The following LRRC20 variants were observed in gnomAD, a reference collection of about 807,000 sequenced individuals.
The protein encoded by LRRC20 is leucine-rich repeat-containing protein 20.
A neutral mutation model predicts 14.4 loss-of-function variants in LRRC20; 11 were observed. The ratio of observed to expected loss-of-function variants is 0.77; its 90% CI spans 0.48 to 1.27. The LOEUF (loss-of-function observed/expected upper bound fraction) is 1.27. Among genes scored for constraint, LRRC20 ranks in the 50% most tolerant of loss-of-function variants. The pLI is 0.00. For missense variants in LRRC20, 219 were observed against 251.2 expected (o/e 0.87, Z 0.87); for synonymous variants, 121 against 107.3 (o/e 1.13, Z -0.79).
At chr10:70,361,690 C>T (rs1282597702) in intron 2 of LRRC20, among the ~76,000 whole-genome samples, 2 of 152,196 alleles carry the variant, frequency 1.3e-5, no homozygotes, top group East Asian at 3.9e-4. Context: ...TGCCGGGGCC[C>T]AGTCATTGGC....
At chr10:70,381,432 G>A (rs1844704256) in intron 1 of LRRC20, 1 of 152,254 alleles carries the variant, frequency 6.6e-6, no homozygotes, top group African/African-American at 2.4e-5. Flanking sequence ...CTGGCTGGGG[G>A]AGGGGTGATT....
intron 4 of LRRC20, among the ~76,000 whole-genome samples, chr10:70,319,137 A>G (rs1176262748): frequency 6.6e-6 from 1 of 150,958 alleles, no homozygotes; most frequent in African/African-American, 2.4e-5. Context: ...GTTTTCCTCT[A>G]ATCTCTTGTG....
Position 70,341,497 on chromosome 10 carries a change from G to T in LRRC20, c.83-795C>A, listed in dbSNP as rs1842910626. On this transcript the variant is annotated intron_variant, in intron 2 of 4. Transcript: ENST00000446961. The stretch of plus-strand genomic sequence containing the variant: ...AAAAGAAATGAAGTGGCCAGGCGTG[G>T]TGGCTCACGCCTGTAATCCCAGCAC... Among the ~76,000 whole-genome samples the T allele has an allele frequency of 2.0e-5, 3 of 152,340 alleles. No homozygotes were observed. In the South Asian group the frequency reaches 6.2e-4, roughly 32 times the overall value.
At chr10:70,317,944 C>T (rs1841931009) in intron 4 of LRRC20, among the ~76,000 whole-genome samples, 1 of 152,186 alleles carries the variant, frequency 6.6e-6, no homozygotes, top group Non-Finnish European at 1.5e-5. Flanking sequence ...TTCCTGCTGA[C>T]CCCATTCTAC....
rs1589951051 is a variant in LRRC20 at position 70,317,574 on chromosome 10, T to C, written c.400+6289A>G. Among the ~76,000 whole-genome samples the C allele has an allele frequency of 2.6e-5, 4 of 152,260 alleles. No individual in the cohort carries two copies. The East Asian group carries it at 7.7e-4, about 29-fold the overall frequency. On this transcript the variant is annotated intron_variant, in intron 4 of 4. Transcript: ENST00000446961. ...AAAATTTTTTGTAGAGATGGGGGCCTCACTATGTTGCTCAGGCTGGTTTTG... is the reference window on the plus strand; with the variant it reads ...AAAATTTTTTGTAGAGATGGGGGCCCCACTATGTTGCTCAGGCTGGTTTTG...
In LRRC20 at chr10:70,301,083, T is replaced by TCAGAGAGGGCAGGAGATCTGC. The variant is rs1490451225; in HGVS notation, c.*250_*270dup. ...TCCTGTTTTTTTCAAGTGACAAGGC[T>TCAGAGAGGGCAGGAGATCTGC]CAGAGAGGGCAGGAGATCTGCCTGA... On this transcript the variant is annotated 3_prime_UTR_variant, in exon 5 of 5. Coordinates refer to ENST00000446961, the MANE Select transcript of LRRC20 (RefSeq NM_001278212.2). 3 of 1,254,198 alleles carry TCAGAGAGGGCAGGAGATCTGC rather than the reference T, an allele frequency of 2.4e-6. No homozygotes were observed. Among genetic ancestry groups the TCAGAGAGGGCAGGAGATCTGC allele is most frequent in the Non-Finnish European group, 3.0e-6 (3 of 999,008 alleles). The allele number at this position is 1,254,198 out of a possible 1,614,324, so 77.7% of individuals were successfully genotyped here.
chr10:70,346,283 G>A (rs1008472390), intron 2 of LRRC20, among the ~76,000 whole-genome samples: 3 of 152,194 alleles, frequency 2.0e-5, no homozygotes, highest in African/African-American at 4.8e-5. Flanking sequence ...TGACGTGGTG[G>A]TGCCTGTGTG....
intron 1 of LRRC20, among the ~76,000 whole-genome samples, chr10:70,377,216 C>T (rs1844543137): frequency 6.6e-6 from 1 of 152,208 alleles, no homozygotes; most frequent in East Asian, 1.9e-4. Flanking sequence ...CAGTACTAGC[C>T]TGCAGACCTG....
At chr10:70,371,640 G>C (rs1844275881) in intron 2 of LRRC20, among the ~76,000 whole-genome samples, 1 of 152,168 alleles carries the variant, frequency 6.6e-6, no homozygotes, top group Non-Finnish European at 1.5e-5. Context: ...AGATGGAAAA[G>C]GGGCAGGGAA....
intron 2 of LRRC20, among the ~76,000 whole-genome samples, chr10:70,349,418 A>G: frequency 6.6e-6 from 1 of 152,208 alleles, no homozygotes; most frequent in South Asian, 2.1e-4. Flanking sequence ...TCTCTAATAA[A>G]AATACAAAAA....
intron 2 of LRRC20, among the ~76,000 whole-genome samples, chr10:70,342,560 G>A (rs1842955952): frequency 6.6e-6 from 1 of 152,172 alleles, no homozygotes; most frequent in African/African-American, 2.4e-5. Flanking sequence ...CAAGTTCCCT[G>A]AGCCTCAGTT....
chr10:70,356,844 C>T (rs538269156), intron 2 of LRRC20, among the ~76,000 whole-genome samples: 37 of 151,400 alleles, frequency 2.4e-4, no homozygotes, highest in Non-Finnish European at 4.1e-4. Flanking sequence ...GAATGAGACT[C>T]CACCTCAAAA....
chr10:70,314,107 G>A (rs916042806), intron 4 of LRRC20, among the ~76,000 whole-genome samples: 1 of 152,034 alleles, frequency 6.6e-6, no homozygotes, highest in Non-Finnish European at 1.5e-5. Context: ...AAAGGTATGG[G>A]GGAAACCACC....
chr10:70,312,646 AG>A (rs963643062), intron 4 of LRRC20, among the ~76,000 whole-genome samples: 53 of 152,338 alleles, frequency 3.5e-4, no homozygotes, highest in South Asian at 6.2e-4. Context: ...GCCATTTGGC[AG>A]GGTGAACAGG....
At chr10:70,304,349 T>G (rs926279148) in intron 4 of LRRC20, among the ~76,000 whole-genome samples, 1 of 151,776 alleles carries the variant, frequency 6.6e-6, no homozygotes, top group Non-Finnish European at 1.5e-5. Context: ...TTGCCCACGG[T>G]TGGGGGCTTT....
At chr10:70,347,574 C>G (rs935192454) in intron 2 of LRRC20, among the ~76,000 whole-genome samples, 1 of 152,114 alleles carries the variant, frequency 6.6e-6, no homozygotes, top group East Asian at 1.9e-4. Flanking sequence ...ATTCCCAGCA[C>G]TTTGGGAGGC....
At chr10:70,319,854 G>A (rs1842008247) in intron 4 of LRRC20, among the ~76,000 whole-genome samples, 1 of 152,178 alleles carries the variant, frequency 6.6e-6, no homozygotes, top group Admixed American at 6.5e-5. Flanking sequence ...TCTTAGGAGT[G>A]CCTAGAGTAA....
At chr10:70,359,784 A>C (rs963738972) in intron 2 of LRRC20, among the ~76,000 whole-genome samples, 1 of 152,072 alleles carries the variant, frequency 6.6e-6, no homozygotes, top group African/African-American at 2.4e-5. Flanking sequence ...TTAGCTTCAA[A>C]AGTTCTCGTC....
intron 4 of LRRC20, among the ~76,000 whole-genome samples, chr10:70,317,041 C>T (rs775256693): frequency 2.0e-5 from 3 of 152,232 alleles, no homozygotes; most frequent in Non-Finnish European, 2.9e-5. Context: ...GGGGGCAATC[C>T]GAACTCCATG....
Sources: allele counts gnomAD v4.1 joint callset (sites outside exome capture counted in the v4.1 genomes callset), GRCh38; gene constraint gnomAD v4.1.1; transcripts MANE v1.5; gene names NCBI Gene and HGNC (gene_info 2026-07-23, HGNC 2026-07-21).